Variants in PRKX observed in about 807,000 individuals in gnomAD.
The protein encoded by PRKX is protein kinase cAMP-dependent X-linked catalytic subunit, also known as cAMP-dependent protein kinase catalytic subunit PRKX.
Under a neutral mutation model 22.0 loss-of-function variants are expected in PRKX, and 12 were observed. The ratio of observed to expected loss-of-function variants is 0.54; its 90% CI spans 0.35 to 0.88. The LOEUF (loss-of-function observed/expected upper bound fraction) is 0.88. PRKX is among the 40% of genes least tolerant of loss of function. The pLI, the probability that PRKX is intolerant of heterozygous loss-of-function variation, is 0.01. For missense variants in PRKX, 217 were observed against 308.0 expected (o/e 0.70, Z 2.21); for synonymous variants, 134 against 137.7 (o/e 0.97, Z 0.19).
chrX:3,653,709 A>T (rs867079225), intron 3 of PRKX, among the ~76,000 whole-genome samples: 1 of 61,177 alleles, frequency 1.6e-5, no homozygotes. Flanking sequence ...GATATATATA[A>T]TATATATAAT....
intron 1 of PRKX, among the ~76,000 whole-genome samples, chrX:3,682,261 G>A (rs1197499298): frequency 3.6e-5 from 4 of 111,007 alleles, no homozygotes; most frequent in Non-Finnish European, 5.7e-5. Context: ...CAAGAGCAAC[G>A]CCGCACAGCT....
chrX:3,701,762 G>A (rs1188045044), intron 1 of PRKX, among the ~76,000 whole-genome samples: 1 of 111,406 alleles, frequency 9.0e-6, no homozygotes, highest in African/African-American at 3.3e-5. Context: ...TAAAGAAGCT[G>A]GCCAAATCCC....
At chrX:3,609,198 G>A (rs1024290811) in intron 8 of PRKX, among the ~76,000 whole-genome samples, 2 of 111,809 alleles carry the variant, frequency 1.8e-5, no homozygotes, top group African/African-American at 6.5e-5. Context: ...TCTTGCTCTT[G>A]TTGCCCAGGC....
rs1488540800 is a variant in PRKX, at chrX:3,676,421, C to T, written c.167-1655G>A. Among the ~76,000 whole-genome samples the T allele has an allele frequency of 8.9e-5, 10 of 111,741 alleles. 1 individual carries two copies. The South Asian group carries it at 3.4e-3, about 38-fold the overall frequency. On this transcript the variant is annotated intron_variant, in intron 1 of 8. Coordinates refer to ENST00000262848, the MANE Select transcript of PRKX (RefSeq NM_005044.5). ...CAAAACCCAAGAGAACCAGGATCTTCCAGACACCTGCACTCCCATGTTTAT... is the reference window on the plus strand; with the variant it reads ...CAAAACCCAAGAGAACCAGGATCTTTCAGACACCTGCACTCCCATGTTTAT...
chrX:3,629,584 T>TG (rs1926728456), intron 4 of PRKX, among the ~76,000 whole-genome samples: 1 of 110,796 alleles, frequency 9.0e-6, no homozygotes, highest in African/African-American at 3.3e-5. Flanking sequence ...TCCTCATTCA[T>TG]GGAACAGTAT....
chrX:3,626,401 G>A lies in PRKX; in HGVS notation c.815+18C>T. On this transcript the variant is annotated intron_variant, in intron 5 of 8. Coordinates refer to ENST00000262848, the MANE Select transcript of PRKX (RefSeq NM_005044.5). ...TAAAAATAAACACACCTCATGATGAGGCAAACGGTTTACTTACTTTACATG... is the reference window on the plus strand; with the variant it reads ...TAAAAATAAACACACCTCATGATGAAGCAAACGGTTTACTTACTTTACATG... 8.5e-7 allele frequency: 1 copy of A among 1,170,436 alleles called. No homozygotes were observed. Among genetic ancestry groups the A allele is most frequent in the Non-Finnish European group, 1.2e-6 (1 of 858,651 alleles).
rs1460547280 is a variant in PRKX, at chrX:3,713,608, C to A, written c.-355G>T. 2.3e-5 allele frequency: 3 copies of A among 129,718 alleles called. No individual in the cohort carries two copies. Among genetic ancestry groups the A allele is most frequent in the Non-Finnish European group, 4.6e-5 (3 of 64,704 alleles). The allele number at this position is 129,718 out of a possible 1,213,427, so 10.7% of individuals were successfully genotyped here. ...CTCGCGCCCGCCGCCTCCTCCAGCT[C>A]GGTAGCCGCGTGCGCGCTGTTGGGG... On this transcript the variant is annotated 5_prime_UTR_variant, in exon 1 of 9. Transcript: ENST00000262848.
chrX:3,662,079 T>C (rs766856303), intron 2 of PRKX, among the ~76,000 whole-genome samples: 1 of 111,823 alleles, frequency 8.9e-6, no homozygotes, highest in African/African-American at 3.3e-5. Flanking sequence ...CGGTACATAG[T>C]ATCAGGAACG....
chrX:3,712,375 G>A (rs1344158840), intron 1 of PRKX, among the ~76,000 whole-genome samples: 1 of 111,857 alleles, frequency 8.9e-6, no homozygotes, highest in Admixed American at 9.5e-5. Flanking sequence ...GCGCGTGTCC[G>A]GATGCAAGAG....
chrX:3,672,169 T>C (rs1343355838), intron 2 of PRKX, among the ~76,000 whole-genome samples: 1 of 110,572 alleles, frequency 9.0e-6, no homozygotes, highest in Non-Finnish European at 1.9e-5. Flanking sequence ...CACTCCAAGA[T>C]GGGCCACAGA....
At position 3,713,572 on chromosome X, in the gene PRKX, G is replaced by T. The variant is rs1441533125; in HGVS notation, c.-319C>A. The T allele has an allele frequency of 6.5e-5, 11 of 169,718 alleles. No homozygotes were observed. In the Admixed American group the frequency reaches 7.3e-4, roughly 11 times the overall value. The allele number at this position is 169,718 out of a possible 1,213,427, so 14.0% of individuals were successfully genotyped here. ...GGGGGGGGCGAGGCGGGGGCCCTGCGCATTCCGGGTCTCGCGCCCGCCGCC... is the reference window on the plus strand; with the variant it reads ...GGGGGGGGCGAGGCGGGGGCCCTGCTCATTCCGGGTCTCGCGCCCGCCGCC... On this transcript the variant is annotated 5_prime_UTR_variant, in exon 1 of 9. Coordinates refer to ENST00000262848, the MANE Select transcript of PRKX (RefSeq NM_005044.5).
chrX:3,624,104 G>A (rs188013866), intron 5 of PRKX, among the ~76,000 whole-genome samples: 1 of 111,419 alleles, frequency 9.0e-6, no homozygotes, highest in East Asian at 2.8e-4. Flanking sequence ...GTTCACGCCT[G>A]TAATCCCAAC....
chrX:3,637,273 C>A (rs1445921952), intron 4 of PRKX, among the ~76,000 whole-genome samples: 1 of 111,476 alleles, frequency 9.0e-6, no homozygotes, highest in East Asian at 2.9e-4. Flanking sequence ...GGGTGGACAA[C>A]CCACAGGCAG....
At chrX:3,704,117 A>G (rs1362645863) in intron 1 of PRKX, among the ~76,000 whole-genome samples, 6 of 112,142 alleles carry the variant, frequency 5.4e-5, no homozygotes, top group Non-Finnish European at 7.5e-5. Flanking sequence ...CCGGGAAAAC[A>G]TGCCCACCCA....
At chrX:3,694,232 T>TA (rs1287118690) in intron 1 of PRKX, among the ~76,000 whole-genome samples, 1 of 104,709 alleles carries the variant, frequency 9.6e-6, no homozygotes, top group Non-Finnish European at 2.0e-5. Flanking sequence ...ACTAAAAATA[T>TA]AAAAAATAAG....
intron 1 of PRKX, among the ~76,000 whole-genome samples, chrX:3,679,351 A>C (rs1024383127): frequency 2.7e-5 from 3 of 112,656 alleles, no homozygotes; most frequent in Admixed American, 1.9e-4. Flanking sequence ...TTTGTTTAGG[A>C]TAGCAGCCTC....
intron 8 of PRKX, among the ~76,000 whole-genome samples, chrX:3,609,603 T>C (rs957379138): frequency 9.1e-6 from 1 of 110,450 alleles, no homozygotes; most frequent in African/African-American, 3.3e-5. Context: ...AATAGGTATG[T>C]ATCACTACGC....
intron 2 of PRKX, among the ~76,000 whole-genome samples, chrX:3,663,262 T>C (rs767831956): frequency 1.8e-4 from 20 of 109,060 alleles, no homozygotes; most frequent in Non-Finnish European, 3.6e-4. Flanking sequence ...TGTGAAGACA[T>C]CATTGATGTG....
At chrX:3,688,057 C>CA (rs1246680609) in intron 1 of PRKX, among the ~76,000 whole-genome samples, 1 of 110,645 alleles carries the variant, frequency 9.0e-6, no homozygotes, top group African/African-American at 3.3e-5. Flanking sequence ...TGCTTGAACC[C>CA]AGGAGGCAGA....
Sources: gnomAD v4.1 joint callset for allele counts (sites outside exome capture counted in the v4.1 genomes callset) on GRCh38, gnomAD v4.1.1 for gene constraint, MANE v1.5 for transcripts, NCBI Gene and HGNC (gene_info 2026-07-23, HGNC 2026-07-21) for gene names.